Variants in GRB10 observed in about 807,000 individuals in gnomAD.
GRB10 encodes growth factor receptor-bound protein 10.
Under a neutral mutation model 80.9 loss-of-function variants are expected in GRB10, and 20 were observed. That is an observed-to-expected ratio of 0.25 (90% CI 0.17 to 0.36). GRB10 has a LOEUF of 0.36. Ranked by LOEUF, GRB10 falls within the 10% of genes least tolerant of loss-of-function variation. The pLI is 1.00. For missense variants in GRB10, 548 were observed against 747.7 expected (o/e 0.73, Z 3.12); for synonymous variants, 291 against 291.5 (o/e 1.00, Z 0.02).
At chr7:50,752,078 G>A (rs766825288) in intron 3 of GRB10, among the ~76,000 whole-genome samples, 35 of 152,154 alleles carry the variant, frequency 2.3e-4, no homozygotes, top group Non-Finnish European at 4.4e-4. Context: ...CAATCCAGTG[G>A]GGAGAAGCTC....
rs1349946199 is a variant in GRB10, at chr7:50,592,879, T to C, written c.*73A>G. On this transcript the variant is annotated 3_prime_UTR_variant, in exon 19 of 19. Coordinates refer to ENST00000401949, the MANE Select transcript of GRB10 (RefSeq NM_001350814.2). ...CAGGTGCAGAATCGATGTGTGTTCT[T>C]CACCAACGCACAGACCGCTTCTTCA... 3 of 1,533,946 alleles carry C rather than the reference T, an allele frequency of 2.0e-6. No homozygotes were observed. Among genetic ancestry groups the C allele is most frequent in the Non-Finnish European group, 2.7e-6 (3 of 1,108,446 alleles).
At chr7:50,626,287 G>A (rs1369472687) in intron 8 of GRB10, among the ~76,000 whole-genome samples, 1 of 152,218 alleles carries the variant, frequency 6.6e-6, no homozygotes, top group African/African-American at 2.4e-5. Context: ...TAACCAGCAG[G>A]CAGAGATGCC....
intron 7 of GRB10, among the ~76,000 whole-genome samples, chr7:50,658,811 G>A (rs1006347446): frequency 6.6e-6 from 1 of 152,222 alleles, no homozygotes; most frequent in African/African-American, 2.4e-5. Context: ...AGCCAAACAA[G>A]TGGTCTGCTC....
chr7:50,658,356 C>A (rs2058862643), intron 7 of GRB10, among the ~76,000 whole-genome samples: 1 of 152,202 alleles, frequency 6.6e-6, no homozygotes, highest in South Asian at 2.1e-4. Flanking sequence ...GTGGTTCCCC[C>A]TTACCTGATG....
chr7:50,613,846 T>G (rs1376854704), intron 12 of GRB10, among the ~76,000 whole-genome samples: 1 of 152,184 alleles, frequency 6.6e-6, no homozygotes. Context: ...AATTTTCCCC[T>G]AAGGAGGGGC....
chr7:50,676,992 G>A (rs193221470), intron 5 of GRB10, among the ~76,000 whole-genome samples: 1 of 152,166 alleles, frequency 6.6e-6, no homozygotes, highest in Non-Finnish European at 1.5e-5. Context: ...TTCAAACCAG[G>A]GCCAGGGGAG....
At chr7:50,622,264 G>C (rs1375113289) in intron 8 of GRB10, among the ~76,000 whole-genome samples, 2 of 152,180 alleles carry the variant, frequency 1.3e-5, no homozygotes, top group Non-Finnish European at 1.5e-5. Flanking sequence ...CATACAAAAG[G>C]GAGAGAGGGA....
intron 8 of GRB10, among the ~76,000 whole-genome samples, chr7:50,622,683 A>G (rs1317225765): frequency 6.6e-6 from 1 of 151,874 alleles, no homozygotes; most frequent in Non-Finnish European, 1.5e-5. Flanking sequence ...GGTGCCCCCC[A>G]CATTCCCAGG....
Position 50,604,048 on chromosome 7 carries a change from G to T in GRB10, c.1494C>A (p.Ile498=). The part of the protein sequence containing the change: ...HRTQHWFHGR[I]SREESHRIIK... ...TGATCCTGTGGGATTCCTCCCTGGA[G>T]ATCCTCCCGTGAAACCAGTGCTGTG... The change falls in exon 17 of 19, where the codon ATC becomes ATA. Residue 498 remains isoleucine (I), a synonymous_variant. Coordinates refer to ENST00000401949, the MANE Select transcript of GRB10 (RefSeq NM_001350814.2). 6.2e-7 allele frequency: 1 copy of T among 1,614,160 alleles called. No individual in the cohort carries two copies. Among genetic ancestry groups the T allele is most frequent in the Non-Finnish European group, 8.5e-7 (1 of 1,179,968 alleles).
At chr7:50,664,890 C>T (rs1359387844) in intron 7 of GRB10, among the ~76,000 whole-genome samples, 2 of 152,190 alleles carry the variant, frequency 1.3e-5, no homozygotes, top group African/African-American at 2.4e-5. Context: ...TATCCAGTTT[C>T]CTGAACAATG....
chr7:50,744,315 T>G (rs2072453101), intron 3 of GRB10, among the ~76,000 whole-genome samples: 1 of 151,982 alleles, frequency 6.6e-6, no homozygotes, highest in Non-Finnish European at 1.5e-5. Context: ...GCTCCAGAGA[T>G]CAAAGCATCC....
In GRB10 at chr7:50,700,340, T is replaced by A. The variant is rs1229941120; in HGVS notation, c.139+3481A>T. Reference sequence around the variant, plus strand: ...CTATCTTCCCCCAGATTTCCATTTTTTCGTTCACAGTTTTCTTGATGCTGT... The same window carrying A: ...CTATCTTCCCCCAGATTTCCATTTTATCGTTCACAGTTTTCTTGATGCTGT... On this transcript the variant is annotated intron_variant, in intron 5 of 18. Transcript: ENST00000401949. 2.0e-5 allele frequency among the ~76,000 whole-genome samples: 3 copies of A among 152,336 alleles called. No individual in the cohort carries two copies. In the East Asian group the frequency reaches 5.8e-4, roughly 29 times the overall value.
At chr7:50,644,368 C>T (rs369945779) in intron 7 of GRB10, among the ~76,000 whole-genome samples, 14 of 151,788 alleles carry the variant, frequency 9.2e-5, no homozygotes, top group African/African-American at 3.2e-4. Flanking sequence ...TATGTGATGG[C>T]CGAGCTCAGG....
At position 50,616,213 on chromosome 7, in the gene GRB10, T is replaced by C; in HGVS notation, c.981A>G (p.Ser327=). The change falls in exon 11 of 19, where the codon TCA becomes TCG. Residue 327 remains serine (S), a synonymous_variant. Coordinates refer to ENST00000401949, the MANE Select transcript of GRB10 (RefSeq NM_001350814.2). ...GGTGGTAGCTTTTAAAGCTCACCTT[T>C]GAAGTTCCCTTGGTGGAGCAATAAA... is the stretch of plus-strand genomic sequence containing the variant. The part of the protein sequence containing the change: ...SGLYCSTKGT[S]KEPRHLQLLA... 1.2e-6 allele frequency: 2 copies of C among 1,614,198 alleles called. No homozygotes were observed. The highest frequency in any genetic ancestry group is 1.7e-6 in the Non-Finnish European group (2 of 1,180,038).
intron 7 of GRB10, among the ~76,000 whole-genome samples, chr7:50,628,857 CT>C (rs2053489561): frequency 1.3e-5 from 2 of 152,272 alleles, no homozygotes; most frequent in East Asian, 3.9e-4. Context: ...ATACTTCCCC[CT>C]AACAAGCAAA....
At chr7:50,620,934 C>T (rs532342875) in intron 8 of GRB10, among the ~76,000 whole-genome samples, 2 of 152,296 alleles carry the variant, frequency 1.3e-5, no homozygotes, top group South Asian at 2.1e-4. Context: ...CCAAAACCAA[C>T]AATCTAATAA....
At chr7:50,710,922 T>C in intron 4 of GRB10, 1 of 1,612,258 alleles carries the variant, frequency 6.2e-7, no homozygotes, top group Admixed American at 1.7e-5. Context: ...GGTCTCTCTC[T>C]CCCTCTCTCT....
chr7:50,695,045 C>A (rs2214963), intron 5 of GRB10, among the ~76,000 whole-genome samples: 93,309 of 151,860 alleles, frequency 0.61, 31,486 homozygotes, highest in Middle Eastern at 0.85. Flanking sequence ...CTGGGACACA[C>A]CTCTGCATCC....
chr7:50,593,669 G>T (rs1275256532), intron 18 of GRB10, among the ~76,000 whole-genome samples: 1 of 152,192 alleles, frequency 6.6e-6, no homozygotes, highest in East Asian at 1.9e-4. Context: ...CTCCCAGAGA[G>T]AATCATATTC....
Sources: gnomAD v4.1 joint callset for allele counts (sites outside exome capture counted in the v4.1 genomes callset) on GRCh38, gnomAD v4.1.1 for gene constraint, MANE v1.5 for transcripts, NCBI Gene and HGNC (gene_info 2026-07-23, HGNC 2026-07-21) for gene names.